The following CAPS2 variants were observed in gnomAD, a reference collection of about 807,000 sequenced individuals.
CAPS2 encodes the protein calcyphosin-2.
Under a neutral mutation model 86.5 loss-of-function variants are expected in CAPS2, and 98 were observed. The observed-to-expected ratio is 1.13, with a 90% CI of 0.96 to 1.34. The LOEUF is 1.34. CAPS2 is among the 40% of genes most tolerant of loss of function. CAPS2 has a pLI of 0.00. For synonymous variants in CAPS2, 210 were observed against 225.1 expected (o/e 0.93, Z 0.60); for missense variants, 729 against 686.8 (o/e 1.06, Z -0.69).
At chr12:75,383,665 C>T (rs1212990755) in intron 1 of CAPS2, among the ~76,000 whole-genome samples, 1 of 152,138 alleles carries the variant, frequency 6.6e-6, no homozygotes, top group Non-Finnish European at 1.5e-5. Context: ...TTAAACTCAA[C>T]AACAACATCA....
At chr12:75,376,927 A>G (rs1360500579) in intron 1 of CAPS2, among the ~76,000 whole-genome samples, 1 of 152,116 alleles carries the variant, frequency 6.6e-6, no homozygotes, top group Non-Finnish European at 1.5e-5. Flanking sequence ...GGGAATTAGA[A>G]TCCCTGAGCT....
At chr12:75,289,665 A>G in exon 14 of CAPS2, 3 of 1,613,386 alleles carry the variant, frequency 1.9e-6, no homozygotes, top group Non-Finnish European at 2.5e-6. Context: ...GCTTGCTTAA[A>G]ATCTGCCTTA....
At chr12:75,384,214 AT>A (rs1424112754) in intron 1 of CAPS2, among the ~76,000 whole-genome samples, 1 of 152,188 alleles carries the variant, frequency 6.6e-6, no homozygotes, top group Non-Finnish European at 1.5e-5. Flanking sequence ...AATTAATAAA[AT>A]CAAAAGCTGG....
intron 1 of CAPS2, among the ~76,000 whole-genome samples, chr12:75,358,343 T>C (rs1265559314): frequency 1.3e-5 from 2 of 151,928 alleles, no homozygotes; most frequent in Non-Finnish European, 2.9e-5. Context: ...ATTTAGCTAT[T>C]GAATCCAACA....
At chr12:75,389,448 G>A (rs949488883) in intron 1 of CAPS2, among the ~76,000 whole-genome samples, 12 of 152,132 alleles carry the variant, frequency 7.9e-5, no homozygotes, top group Admixed American at 3.3e-4. Flanking sequence ...GTGATGTTCC[G>A]GAGAGTATAC....
intron 1 of CAPS2, among the ~76,000 whole-genome samples, chr12:75,378,275 T>C (rs954921496): frequency 6.6e-6 from 1 of 152,198 alleles, no homozygotes; most frequent in African/African-American, 2.4e-5. Flanking sequence ...GCTGTGATTA[T>C]AGGCATGAGC....
At chr12:75,328,041 G>A (rs1355964574), upstream of CAPS2, among the ~76,000 whole-genome samples, 1 of 151,530 alleles carries the variant, frequency 6.6e-6, no homozygotes, top group Non-Finnish European at 1.5e-5. Flanking sequence ...TCAACCAATA[G>A]TAAACATATT....
intron 7 of CAPS2, chr12:75,306,193 G>A (rs538277644): frequency 2.6e-6 from 2 of 762,912 alleles, no homozygotes; most frequent in Non-Finnish European, 4.4e-6. Flanking sequence ...CGGCCCCTAC[G>A]TGGAGCAGCT....
upstream of CAPS2, chr12:75,333,842 A>T (rs1290892885): frequency 6.6e-6 from 1 of 152,136 alleles, no homozygotes. Flanking sequence ...TACTAAAAAA[A>T]ATTAATGTCA....
chr12:75,345,921 C>T (rs1480197181), intron 1 of CAPS2, among the ~76,000 whole-genome samples: 1 of 152,272 alleles, frequency 6.6e-6, no homozygotes, highest in East Asian at 1.9e-4. Context: ...CTAGTTTACA[C>T]ACAAGGTTAA....
chr12:75,319,351 A>C (rs138840240), intron 5 of CAPS2, among the ~76,000 whole-genome samples: 18 of 152,192 alleles, frequency 1.2e-4, no homozygotes, highest in Middle Eastern at 3.4e-3. Flanking sequence ...GTGAGTTTTC[A>C]TTCTATTATT....
At chr12:75,308,739 A>C (rs545629241) in intron 7 of CAPS2, among the ~76,000 whole-genome samples, 1 of 152,154 alleles carries the variant, frequency 6.6e-6, no homozygotes, top group South Asian at 2.1e-4. Flanking sequence ...AAAGCATGAG[A>C]GCAGAAACAA....
chr12:75,368,449 T>A (rs2044136912), intron 1 of CAPS2, among the ~76,000 whole-genome samples: 2 of 151,894 alleles, frequency 1.3e-5, no homozygotes, highest in South Asian at 2.1e-4. Flanking sequence ...GTTTCTAATA[T>A]AACACAGCTA....
chr12:75,363,308 A>G, intron 1 of CAPS2: 1 of 425,988 alleles, frequency 2.3e-6, no homozygotes, highest in African/African-American at 2.1e-5. Context: ...GACTGTTGTT[A>G]TCTTACGATA....
At chr12:75,276,090 T>C, downstream of CAPS2, 1 of 1,041,082 alleles carries the variant, frequency 9.6e-7, no homozygotes, top group Non-Finnish European at 1.3e-6. Flanking sequence ...AAGAGCCTCT[T>C]CTCATGATCA....
chr12:75,380,061 T>C (rs1048466655), intron 1 of CAPS2, among the ~76,000 whole-genome samples: 5 of 151,870 alleles, frequency 3.3e-5, no homozygotes, highest in Admixed American at 6.6e-5. Flanking sequence ...TAAAGTAATA[T>C]ATTACAAAAT....
chr12:75,353,539 G>T (rs2042952230), intron 1 of CAPS2, among the ~76,000 whole-genome samples: 2 of 152,170 alleles, frequency 1.3e-5, no homozygotes, highest in Admixed American at 1.3e-4. Context: ...GGACCAGACA[G>T]ATTTACAGCT....
intron 8 of CAPS2, among the ~76,000 whole-genome samples, chr12:75,303,022 G>A (rs2038004673): frequency 6.6e-6 from 1 of 152,124 alleles, no homozygotes; most frequent in Non-Finnish European, 1.5e-5. Flanking sequence ...CTACTTCTAA[G>A]TATATACTCA....
chr12:75,298,139 T>C (rs1450412342), intron 11 of CAPS2: 1 of 154,068 alleles, frequency 6.5e-6, no homozygotes, highest in African/African-American at 2.4e-5. Flanking sequence ...AGTGTAAATA[T>C]GATTTAAAAT....
Sources: allele counts gnomAD v4.1 joint callset (sites outside exome capture counted in the v4.1 genomes callset), GRCh38; gene constraint gnomAD v4.1.1; transcripts MANE v1.5; gene names NCBI Gene and HGNC (gene_info 2026-07-23, HGNC 2026-07-21).